ZNF492: variants seen among roughly 807,000 people sequenced by gnomAD.
The protein encoded by ZNF492 is zinc finger protein 115 (Y20).
ZNF492 carries 3 observed loss-of-function variants against 6.4 expected under a neutral mutation model. That is an observed-to-expected ratio of 0.47 (90% CI 0.21 to 1.22). The LOEUF (loss-of-function observed/expected upper bound fraction) is 1.22, where lower values mean the gene tolerates loss of function less well. Among genes scored for constraint, ZNF492 ranks in the 50% most tolerant of loss-of-function variants. The pLI is 0.22. For missense variants in ZNF492, 356 were observed against 612.5 expected, an observed-to-expected ratio of 0.58 and a Z score of 4.42; for synonymous variants, 112 against 205.3, an observed-to-expected ratio of 0.55 and a Z score of 3.89.
At position 22,665,121 on chromosome 19, in the gene ZNF492, A is replaced by C; in HGVS notation, c.1452A>C (p.Lys484Asn). The part of the protein sequence containing the change: ...EKPYKCEECG[K>N]AFNNSSILNR... ...CCTACAAGTGTGAAGAATGTGGCAA[A>C]GCCTTTAACAACTCCTCTATTCTTA... Residue 484 changes from lysine (K) to asparagine (N), a missense_variant, in exon 4 of 4, where the codon AAA becomes AAC. Transcript: ENST00000456783. The C allele has an allele frequency of 6.2e-7, 1 of 1,610,364 alleles. No individual in the cohort carries two copies. Among genetic ancestry groups the C allele is most frequent in the South Asian group, 1.1e-5 (1 of 90,190 alleles).
At chr19:22,642,028 C>T (rs867307184) in intron 1 of ZNF492, among the ~76,000 whole-genome samples, 6 of 152,174 alleles carry the variant, frequency 3.9e-5, no homozygotes, top group Middle Eastern at 3.4e-3. Flanking sequence ...CTCCTGACCT[C>T]GTCATCCGCC....
chr19:22,655,813 GTTGTTTTT>G (rs1483603175), intron 3 of ZNF492, among the ~76,000 whole-genome samples: 2 of 64,908 alleles, frequency 3.1e-5, no homozygotes, highest in Non-Finnish European at 2.9e-5. Context: ...AGTTTTTCTT[GTTGTTTTT>G]TTTTTTTTTT....
At chr19:22,648,451 G>C (rs1188589051) in intron 1 of ZNF492, among the ~76,000 whole-genome samples, 1 of 152,182 alleles carries the variant, frequency 6.6e-6, no homozygotes, top group African/African-American at 2.4e-5. Flanking sequence ...TTCTGTAGAT[G>C]CCTATTAGGT....
At chr19:22,649,842 G>A (rs1355171738) in intron 1 of ZNF492, among the ~76,000 whole-genome samples, 2 of 151,972 alleles carry the variant, frequency 1.3e-5, no homozygotes, top group African/African-American at 2.4e-5. Context: ...GGCTCCTCTC[G>A]CTAACTTTTT....
Position 22,664,905 on chromosome 19 carries a change from G to A in ZNF492, c.1236G>A (p.Lys412=). The change falls in exon 4 of 4, where the codon AAG becomes AAA. Residue 412 remains lysine (K), a synonymous_variant. Transcript: ENST00000456783. ...TATCGTCACAACTTACTACACATAA[G>A]ATAATTCATACTGGAGAGAAACCCT... ...FNLSSQLTTH[K]IIHTGEKPYK... 1 of 1,610,334 alleles carries A rather than the reference G, an allele frequency of 6.2e-7. No homozygotes were observed. Among genetic ancestry groups the A allele is most frequent in the Non-Finnish European group, 8.5e-7 (1 of 1,177,654 alleles).
At chr19:22,654,351 CTA>C (rs1338851703) in intron 3 of ZNF492, among the ~76,000 whole-genome samples, 1 of 151,756 alleles carries the variant, frequency 6.6e-6, no homozygotes, top group Non-Finnish European at 1.5e-5. Flanking sequence ...TTGAGAAACT[CTA>C]TGTTAAACTG....
rs1599405111 is a variant in ZNF492 at position 22,665,624 on chromosome 19, T to C, written c.*359T>C. 8.8e-6 allele frequency: 2 copies of C among 227,038 alleles called. No homozygotes were observed. The highest frequency in any genetic ancestry group is 2.3e-4 in the East Asian group (2 of 8,606). 14.1% of individuals were successfully genotyped at this position (227,038 alleles called of 1,614,324 possible). A position where few individuals can be genotyped will look rare whatever the true frequency, so the allele number is the denominator to read the frequency against. On this transcript the variant is annotated 3_prime_UTR_variant, in exon 4 of 4. Coordinates refer to ENST00000456783, the MANE Select transcript of ZNF492 (RefSeq NM_020855.3). ...TAAACGAAGTTGTGGTAACTTTACT[T>C]GTAACACAGATCTTGTTGTATTCAT...
At chr19:22,653,197 T>G in intron 1 of ZNF492, 110 bp from the exon 2 acceptor site, 1 of 1,229,668 alleles carries the variant, frequency 8.1e-7, no homozygotes, top group Non-Finnish European at 1.1e-6. Context: ...TATCAGTCAC[T>G]CCTATAAGTA....
intron 1 of ZNF492, among the ~76,000 whole-genome samples, chr19:22,635,271 T>A (rs1244567798): frequency 6.6e-6 from 1 of 152,172 alleles, no homozygotes; most frequent in African/African-American, 2.4e-5. Context: ...CCCTGGCATT[T>A]TTCACATAGG....
At chr19:22,641,954 C>T (rs150656467) in intron 1 of ZNF492, among the ~76,000 whole-genome samples, 5,148 of 152,010 alleles carry the variant, frequency 0.034, 306 homozygotes, top group African/African-American at 0.12. Flanking sequence ...CCACCATGCC[C>T]GGCTAATTTT....
rs760041910 is a variant in ZNF492, at chr19:22,655,813, G to GTTT, written c.130+1800_130+1801insTTT. On this transcript the variant is annotated intron_variant, in intron 3 of 3. Transcript: ENST00000456783. ...GCAAACACCTCTTCAAGTTTTTCTT[G>GTTT]TTGTTTTTTTTTTTTTTTTTTTTTT... 9.1e-4 allele frequency among the ~76,000 whole-genome samples: 59 copies of GTTT among 64,892 alleles called. 7 individuals carry two copies. The highest frequency in any genetic ancestry group is 1.0e-3 in the African/African-American group (13 of 12,892). The allele number at this position is 64,892 out of a possible 152,430, so 42.6% of individuals were successfully genotyped here. A position where few individuals can be genotyped will look rare whatever the true frequency, so the allele number is the denominator to read the frequency against.
intron 1 of ZNF492, among the ~76,000 whole-genome samples, chr19:22,649,479 G>A (rs1419484479): frequency 1.3e-5 from 2 of 152,120 alleles, no homozygotes; most frequent in African/African-American, 2.4e-5. Context: ...AGCTTGTCTT[G>A]CTAAACTGGG....
intron 1 of ZNF492, among the ~76,000 whole-genome samples, chr19:22,644,862 C>T (rs1181983188): frequency 1.3e-5 from 2 of 152,132 alleles, no homozygotes; most frequent in Non-Finnish European, 2.9e-5. Context: ...AAAAGCATTC[C>T]TATTTCTTCA....
Position 22,666,532 on chromosome 19 carries a change from A to C in ZNF492, c.*1267A>C. 6.6e-6 allele frequency: 1 copy of C among 152,176 alleles called. No individual in the cohort carries two copies. The highest frequency in any genetic ancestry group is 2.1e-4 in the South Asian group (1 of 4,830). 9.4% of individuals were successfully genotyped at this position (152,176 alleles called of 1,614,324 possible). A position where few individuals can be genotyped will look rare whatever the true frequency, so the allele number is the denominator to read the frequency against. Reference sequence around the variant, plus strand: ...TCCTATTGTATTCATATGTGAAAGCATGTGACCAAAAGATATGAGGATTAT... The same window carrying C: ...TCCTATTGTATTCATATGTGAAAGCCTGTGACCAAAAGATATGAGGATTAT... On this transcript the variant is annotated 3_prime_UTR_variant, in exon 4 of 4. Transcript: ENST00000456783.
Position 22,665,529 on chromosome 19 carries a change from CAA to C in ZNF492, c.*267_*268del, listed in dbSNP as rs1158713429. 19 of 554,018 alleles carry C rather than the reference CAA, an allele frequency of 3.4e-5. No homozygotes were observed. The highest frequency in any genetic ancestry group is 5.6e-4 in the Middle Eastern group (1 of 1,794). The allele number at this position is 554,018 out of a possible 1,614,324, so 34.3% of individuals were successfully genotyped here. Reference sequence around the variant, plus strand: ...ATAGCATTAAAAGTGCAATTACTGTCAAAAGAGTTCAAAAAATAAGCATTTAA... The same window carrying C: ...ATAGCATTAAAAGTGCAATTACTGTCAAGAGTTCAAAAAATAAGCATTTAA... On this transcript the variant is annotated 3_prime_UTR_variant, in exon 4 of 4. Transcript: ENST00000456783.
chr19:22,644,503 T>A (rs919665791), intron 1 of ZNF492, among the ~76,000 whole-genome samples: 1 of 152,172 alleles, frequency 6.6e-6, no homozygotes, highest in Non-Finnish European at 1.5e-5. Flanking sequence ...CCTGTGTTAG[T>A]TTGCTGAGGA....
At position 22,666,188 on chromosome 19, in the gene ZNF492, C is replaced by A. The variant is rs74174084; in HGVS notation, c.*923C>A. On this transcript the variant is annotated 3_prime_UTR_variant, in exon 4 of 4. Transcript: ENST00000456783. ...GAAATTAGTTTTTCTTTTTCTTCTT[C>A]TTTTTTTTTTTTTTTTTAGATGGAG... 1 of 136,362 alleles carries A rather than the reference C, an allele frequency of 7.3e-6. No homozygotes were observed. Among genetic ancestry groups the A allele is most frequent in the South Asian group, 2.3e-4 (1 of 4,376 alleles). 8.4% of individuals were successfully genotyped at this position (136,362 alleles called of 1,614,324 possible). A position where few individuals can be genotyped will look rare whatever the true frequency, so the allele number is the denominator to read the frequency against.
At chr19:22,638,367 A>C (rs1007967490) in intron 1 of ZNF492, among the ~76,000 whole-genome samples, 1 of 152,026 alleles carries the variant, frequency 6.6e-6, no homozygotes, top group African/African-American at 2.4e-5. Context: ...TTAAATCTGT[A>C]ATTTATCTTG....
chr19:22,658,964 T>G (rs1383129801), intron 3 of ZNF492, among the ~76,000 whole-genome samples: 1 of 151,774 alleles, frequency 6.6e-6, no homozygotes, highest in African/African-American at 2.4e-5. Context: ...TTTTGTTTTG[T>G]TTTTAATATT....
Sources: allele counts gnomAD v4.1 joint callset (sites outside exome capture counted in the v4.1 genomes callset), GRCh38; gene constraint gnomAD v4.1.1; transcripts MANE v1.5; gene names NCBI Gene and HGNC (gene_info 2026-07-23, HGNC 2026-07-21).